Variants in PHF14 observed in about 807,000 individuals in gnomAD.
The protein encoded by PHF14 is PHD finger protein 14.
A neutral mutation model predicts 117.9 loss-of-function variants in PHF14; 55 were observed. The ratio of observed to expected loss-of-function variants is 0.47; its 90% confidence interval spans 0.38 to 0.58. The LOEUF is 0.58. Ranked by LOEUF, PHF14 falls within the 20% of genes least tolerant of loss-of-function variation. PHF14 has a pLI of 0.00. For synonymous variants in PHF14, 409 were observed against 368.6 expected (o/e 1.11, Z -1.26); for missense variants, 978 against 1,122.2 (o/e 0.87, Z 1.84).
chr7:11,079,726 C>T (rs1786004163), intron 16 of PHF14, among the ~76,000 whole-genome samples: 1 of 151,924 alleles, frequency 6.6e-6, no homozygotes, highest in South Asian at 2.1e-4. Context: ...GGCTTTTCTC[C>T]TTTTACATTG....
chr7:11,077,028 T>C (rs898798813), intron 16 of PHF14, among the ~76,000 whole-genome samples: 5 of 151,994 alleles, frequency 3.3e-5, no homozygotes, highest in Non-Finnish European at 7.4e-5. Flanking sequence ...GTTTAATTCA[T>C]ATATACTACA....
chr7:10,989,335 GAATATAAA>G (rs959682334), intron 3 of PHF14, among the ~76,000 whole-genome samples: 1 of 151,756 alleles, frequency 6.6e-6, no homozygotes, highest in African/African-American at 2.4e-5. Context: ...GAGTTTAAAA[GAATATAAA>G]AATATAAAAA....
intron 16 of PHF14, chr7:11,109,973 G>C (rs1470732177): frequency 6.6e-6 from 1 of 151,814 alleles, no homozygotes; most frequent in Non-Finnish European, 1.5e-5. Flanking sequence ...ACATTCATTT[G>C]TGTTTTAAAC....
At chr7:10,980,893 C>G (rs1335653000) in intron 2 of PHF14, among the ~76,000 whole-genome samples, 1 of 152,020 alleles carries the variant, frequency 6.6e-6, no homozygotes, top group African/African-American at 2.4e-5. Context: ...GAATTGCTGA[C>G]CCGTATGATA....
chr7:11,117,982 T>C (rs1201170248), intron 17 of PHF14, among the ~76,000 whole-genome samples: 1 of 151,856 alleles, frequency 6.6e-6, no homozygotes, highest in Non-Finnish European at 1.5e-5. Context: ...AGAGACATCA[T>C]TTTTAGGTAA....
chr7:11,000,192 C>G (rs941840021), intron 4 of PHF14, among the ~76,000 whole-genome samples: 1 of 152,084 alleles, frequency 6.6e-6, no homozygotes, highest in Non-Finnish European at 1.5e-5. Flanking sequence ...AAAAATTACG[C>G]TACTACTTTC....
intron 13 of PHF14, among the ~76,000 whole-genome samples, chr7:11,047,133 A>G (rs1277247015): frequency 1.3e-5 from 2 of 151,776 alleles, no homozygotes; most frequent in South Asian, 2.1e-4. Context: ...CAGTGGCACA[A>G]TCGCAACTCA....
intron 2 of PHF14, among the ~76,000 whole-genome samples, chr7:10,980,454 ATTG>A (rs1217934881): frequency 6.6e-6 from 1 of 152,096 alleles, no homozygotes; most frequent in Non-Finnish European, 1.5e-5. Flanking sequence ...GATTACTATT[ATTG>A]TTATTTTTAC....
At chr7:11,162,025 C>T (rs1789052786) in intron 17 of PHF14, among the ~76,000 whole-genome samples, 1 of 138,246 alleles carries the variant, frequency 7.2e-6, no homozygotes, top group Admixed American at 7.5e-5. Flanking sequence ...AGGCTGTTTA[C>T]AGTATTCTTA....
intron 5 of PHF14, 119 bp downstream of exon 5, chr7:11,014,025 G>A: frequency 1.6e-6 from 1 of 606,684 alleles, no homozygotes; most frequent in Non-Finnish European, 2.7e-6. Context: ...GTATCTTCTT[G>A]GCATAGAATA....
At chr7:10,974,814 G>T (rs957891820) in intron 1 of PHF14, 21 bp from the exon 2 acceptor site, 25 of 1,248,742 alleles carry the variant, frequency 2.0e-5, no homozygotes, top group Non-Finnish European at 2.7e-5. Context: ...GAATGACAAT[G>T]TAATTTTTTT....
chr7:11,041,019 T>G (rs1411997860), intron 12 of PHF14, among the ~76,000 whole-genome samples: 2 of 151,974 alleles, frequency 1.3e-5, no homozygotes, highest in African/African-American at 4.8e-5. Flanking sequence ...GAAAATTACT[T>G]TAGATAACAT....
At chr7:11,053,280 T>C (rs575904682) in intron 14 of PHF14, among the ~76,000 whole-genome samples, 4 of 152,250 alleles carry the variant, frequency 2.6e-5, no homozygotes, top group South Asian at 2.1e-4. Flanking sequence ...TTTTGTGTTA[T>C]GGGGTCATAT....
chr7:11,144,478 G>A (rs1383995442), intron 17 of PHF14, among the ~76,000 whole-genome samples: 2 of 150,874 alleles, frequency 1.3e-5, no homozygotes, highest in Admixed American at 1.3e-4. Flanking sequence ...CATGTTTATT[G>A]CAGAGATACC....
chr7:10,983,652 C>G (rs745575412), intron 3 of PHF14, among the ~76,000 whole-genome samples: 36 of 152,180 alleles, frequency 2.4e-4, no homozygotes, highest in South Asian at 8.3e-4. Context: ...ATTCCTTTAC[C>G]AGTTGTAGCA....
intron 16 of PHF14, chr7:11,062,795 G>T (rs371009517): frequency 1.5e-4 from 149 of 985,196 alleles, no homozygotes; most frequent in South Asian, 1.1e-3. Context: ...GGGAGTGAGT[G>T]TGTGAACAAA....
chr7:11,121,046 A>G (rs1445665498), intron 17 of PHF14, among the ~76,000 whole-genome samples: 2 of 152,160 alleles, frequency 1.3e-5, no homozygotes, highest in Non-Finnish European at 2.9e-5. Context: ...AACGTAACAA[A>G]CCACTGAAGA....
At chr7:11,051,808 A>G (rs1056884776) in intron 14 of PHF14, 28 bp downstream of exon 14, 5 of 1,601,042 alleles carry the variant, frequency 3.1e-6, no homozygotes, top group South Asian at 1.1e-5. Context: ...TATCATAAGC[A>G]TCATACAATT....
chr7:11,105,997 A>G, intron 16 of PHF14: 2 of 984,938 alleles, frequency 2.0e-6, no homozygotes, highest in Non-Finnish European at 1.2e-6. Flanking sequence ...TTCCAAGGGC[A>G]TGAGCAGATG....
Sources: allele counts gnomAD v4.1 joint callset (sites outside exome capture counted in the v4.1 genomes callset), GRCh38; gene constraint gnomAD v4.1.1; transcripts MANE v1.5; gene names NCBI Gene and HGNC (gene_info 2026-07-23, HGNC 2026-07-21).